Variants in MAD1L1 observed in about 807,000 individuals in gnomAD.
MAD1L1 encodes mitotic arrest deficient 1 like 1.
A neutral mutation model predicts 96.9 loss-of-function variants in MAD1L1; 95 were observed. The observed-to-expected ratio is 0.98, with a 90% CI of 0.83 to 1.16. The LOEUF (loss-of-function observed/expected upper bound fraction) is 1.16. MAD1L1 is among the 50% of genes most tolerant of loss of function. MAD1L1 has a pLI of 0.00. For synonymous variants in MAD1L1, 473 were observed against 396.6 expected, an observed-to-expected ratio of 1.19 and a Z score of -2.29; for missense variants, 1,007 against 954.4, an observed-to-expected ratio of 1.06 and a Z score of -0.73.
intron 18 of MAD1L1, among the ~76,000 whole-genome samples, chr7:1,827,376 C>T (rs982144192): frequency 1.2e-4 from 18 of 152,294 alleles, no homozygotes; most frequent in Non-Finnish European, 2.2e-4. Context: ...GCACAGCCCT[C>T]GCCCAGTGGC....
intron 10 of MAD1L1, among the ~76,000 whole-genome samples, chr7:2,210,702 G>T (rs949016151): frequency 6.6e-6 from 1 of 152,202 alleles, no homozygotes; most frequent in Non-Finnish European, 1.5e-5. Context: ...GAGCAGCGGG[G>T]AGCCCTGAAG....
At chr7:2,090,457 G>T (rs955351057) in intron 11 of MAD1L1, among the ~76,000 whole-genome samples, 2 of 152,202 alleles carry the variant, frequency 1.3e-5, no homozygotes, top group African/African-American at 4.8e-5. Flanking sequence ...GAGTTCCCAG[G>T]AACCCAGCCT....
chr7:2,203,362 T>C (rs1792415248), intron 10 of MAD1L1, among the ~76,000 whole-genome samples: 1 of 152,350 alleles, frequency 6.6e-6, no homozygotes, highest in South Asian at 2.1e-4. Flanking sequence ...TGAATCTCTC[T>C]AGAAACGTTG....
intron 13 of MAD1L1, among the ~76,000 whole-genome samples, chr7:2,006,693 A>G (rs58227534): frequency 0.34 from 51,380 of 151,428 alleles, 9,572 homozygotes; most frequent in East Asian, 0.57. Flanking sequence ...ACATCACTAA[A>G]CCCGCACGGC....
intron 17 of MAD1L1, among the ~76,000 whole-genome samples, chr7:1,920,187 G>A (rs1425373481): frequency 1.3e-5 from 2 of 152,196 alleles, no homozygotes; most frequent in African/African-American, 2.4e-5. Context: ...CAGCTCTCGG[G>A]ACTTGCCTGT....
chr7:1,915,251 C>T (rs866330973), intron 17 of MAD1L1, among the ~76,000 whole-genome samples: 1 of 152,150 alleles, frequency 6.6e-6, no homozygotes, highest in South Asian at 2.1e-4. Flanking sequence ...AAAAAATAAA[C>T]GAAGTGCAAC....
chr7:2,106,026 G>GCGCCTGCCCCACACATGGCCCCA, intron 11 of MAD1L1, among the ~76,000 whole-genome samples: 2 of 10,636 alleles, frequency 1.9e-4, no homozygotes, highest in South Asian at 2.2e-3. Context: ...ACATGGCCCC[G>GCGCCTGCCCCACACATGGCCCCA]CCCCTCCATT....
intron 17 of MAD1L1, among the ~76,000 whole-genome samples, chr7:1,922,292 A>C (rs1167982213): frequency 6.6e-6 from 1 of 152,246 alleles, no homozygotes; most frequent in Non-Finnish European, 1.5e-5. Context: ...CCATTCACAC[A>C]GACCTCCCAC....
intron 12 of MAD1L1, among the ~76,000 whole-genome samples, chr7:2,029,736 C>T (rs763861399): frequency 7.9e-5 from 12 of 152,142 alleles, no homozygotes; most frequent in Admixed American, 2.0e-4. Flanking sequence ...AGAGCAAGGG[C>T]GGTGGGAGTT....
At chr7:1,921,432 C>T (rs965745627) in intron 17 of MAD1L1, among the ~76,000 whole-genome samples, 3 of 152,040 alleles carry the variant, frequency 2.0e-5, no homozygotes, top group Non-Finnish European at 4.4e-5. Flanking sequence ...GATTCTCCCA[C>T]CTCAGCATCT....
At chr7:1,852,861 C>G (rs192477043) in intron 18 of MAD1L1, among the ~76,000 whole-genome samples, 2 of 152,200 alleles carry the variant, frequency 1.3e-5, no homozygotes, top group East Asian at 1.9e-4. Context: ...GAGAGCCGCA[C>G]GTGCTGAGCC....
intron 17 of MAD1L1, among the ~76,000 whole-genome samples, chr7:1,915,305 G>C (rs1471661432): frequency 6.6e-6 from 1 of 152,222 alleles, no homozygotes; most frequent in Non-Finnish European, 1.5e-5. Flanking sequence ...CCGCAGCCGG[G>C]AGGGACGGGG....
intron 18 of MAD1L1, among the ~76,000 whole-genome samples, chr7:1,884,445 G>T (rs1006443511): frequency 6.6e-6 from 1 of 152,224 alleles, no homozygotes; most frequent in African/African-American, 2.4e-5. Flanking sequence ...AGGCCTCAAT[G>T]CTCTTGAGGA....
At chr7:2,002,251 G>A in intron 13 of MAD1L1, 130 bp from the exon 14 acceptor site, 1 of 923,692 alleles carries the variant, frequency 1.1e-6, no homozygotes, top group Admixed American at 1.9e-5. Flanking sequence ...CAGGAGCTGG[G>A]AAGTGGGCAG....
intron 14 of MAD1L1, among the ~76,000 whole-genome samples, chr7:2,001,124 GAGCCAGGACACC>G (rs1423797782): frequency 6.6e-6 from 1 of 152,244 alleles, no homozygotes; most frequent in African/African-American, 2.4e-5. Flanking sequence ...GAGGCCCTGA[GAGCCAGGACACC>G]GGCTCACAGT....
intron 10 of MAD1L1, among the ~76,000 whole-genome samples, chr7:2,161,332 C>T (rs1790111916): frequency 6.6e-6 from 1 of 151,872 alleles, no homozygotes; most frequent in Non-Finnish European, 1.5e-5. Context: ...GGTCTCAGCT[C>T]CTGACCGCGA....
chr7:1,818,846 C>A (rs13224714), intron 18 of MAD1L1, among the ~76,000 whole-genome samples: 4 of 151,092 alleles, frequency 2.6e-5, no homozygotes, highest in Non-Finnish European at 4.4e-5. Context: ...TAATATACCG[C>A]GCTGCCCTCC....
chr7:1,886,516 G>T (rs528947048), intron 18 of MAD1L1, among the ~76,000 whole-genome samples: 1 of 152,232 alleles, frequency 6.6e-6, no homozygotes, highest in Admixed American at 6.5e-5. Flanking sequence ...AAGAATGGGC[G>T]GCTGAGTGGG....
chr7:2,066,799 G>A (rs1389066893), intron 12 of MAD1L1, among the ~76,000 whole-genome samples: 2 of 152,226 alleles, frequency 1.3e-5, no homozygotes, highest in Admixed American at 6.5e-5. Flanking sequence ...AAGAGGGTGT[G>A]GGCAGCAGCA....
Sources: gnomAD v4.1 joint callset for allele counts (sites outside exome capture counted in the v4.1 genomes callset) on GRCh38, gnomAD v4.1.1 for gene constraint, MANE v1.5 for transcripts, NCBI Gene and HGNC (gene_info 2026-07-23, HGNC 2026-07-21) for gene names.